RBM20: variants seen among roughly 807,000 people sequenced by gnomAD.
RBM20 encodes RNA binding motif protein 20.
In RBM20, 51 loss-of-function variants were observed where a neutral mutation model predicts 110.1. The ratio of observed to expected loss-of-function variants is 0.46; its 90% confidence interval spans 0.37 to 0.59. The LOEUF (loss-of-function observed/expected upper bound fraction) is 0.59, where lower values mean the gene tolerates loss of function less well. Among genes scored for constraint, RBM20 ranks in the 20% least tolerant of loss-of-function variants. RBM20 has a pLI of 0.00. For missense variants in RBM20, 1,512 were observed against 1,574.9 expected, an observed-to-expected ratio of 0.96 and a Z score of 0.68; for synonymous variants, 589 against 618.2, an observed-to-expected ratio of 0.95 and a Z score of 0.70.
intron 1 of RBM20, among the ~76,000 whole-genome samples, chr10:110,670,195 T>C (rs1260895352): frequency 2.7e-4 from 41 of 152,206 alleles, no homozygotes; most frequent in Non-Finnish European, 7.3e-5. Context: ...ATTCAATGCA[T>C]GTTGTCTTGA....
intron 5 of RBM20, among the ~76,000 whole-genome samples, chr10:110,790,402 C>G (rs766469371): frequency 1.3e-5 from 2 of 152,144 alleles, no homozygotes; most frequent in African/African-American, 2.4e-5. Context: ...AGACAGGAGA[C>G]CTGGGTAGGT....
chr10:110,770,030 A>G (rs1326169395), intron 1 of RBM20, among the ~76,000 whole-genome samples: 1 of 152,098 alleles, frequency 6.6e-6, no homozygotes, highest in Non-Finnish European at 1.5e-5. Flanking sequence ...ACCTCACTAT[A>G]CATTCTTAGG....
intron 1 of RBM20, among the ~76,000 whole-genome samples, chr10:110,770,531 C>T (rs1844172882): frequency 6.6e-6 from 1 of 152,190 alleles, no homozygotes; most frequent in African/African-American, 2.4e-5. Flanking sequence ...AAAACCGACA[C>T]AGTCTTCCTC....
intron 1 of RBM20, among the ~76,000 whole-genome samples, chr10:110,767,392 A>G (rs1169265528): frequency 1.0e-5 from 1 of 97,020 alleles, no homozygotes; most frequent in African/African-American, 4.1e-5. Flanking sequence ...GCGGGGGCTG[A>G]CCCCCACCTC....
intron 1 of RBM20, among the ~76,000 whole-genome samples, chr10:110,659,189 T>C (rs901241652): frequency 5.9e-5 from 9 of 152,222 alleles, no homozygotes; most frequent in Non-Finnish European, 1.3e-4. Context: ...AAGCTTGGTT[T>C]TCTCCAGCTT....
intron 1 of RBM20, among the ~76,000 whole-genome samples, chr10:110,737,177 C>CAAAAAAAAA (rs550138775): frequency 1.3e-3 from 34 of 26,590 alleles, no homozygotes; most frequent in South Asian, 2.7e-3. Context: ...AACTCTGCCT[C>CAAAAAAAAA]AAAAAAAAAA....
intron 1 of RBM20, among the ~76,000 whole-genome samples, chr10:110,762,526 C>T (rs1162284021): frequency 6.6e-6 from 1 of 152,206 alleles, no homozygotes. Context: ...AATTGCACTC[C>T]AGGCCGTGTA....
At position 110,780,884 on chromosome 10, in the gene RBM20, C is replaced by T. The variant is rs1344144278; in HGVS notation, c.275C>T (p.Ala92Val). The T allele has an allele frequency of 7.1e-6, 11 of 1,550,770 alleles. No homozygotes were observed. The highest frequency in any genetic ancestry group is 9.6e-6 in the Non-Finnish European group (11 of 1,146,232). ...LLPSPASLQL[A>V]QLQAQLTLHR... The stretch of plus-strand genomic sequence containing the variant: ...CCTTCACCTGCCAGTCTCCAGCTGG[C>T]TCAACTGCAGGCCCAGCTCACCCTC... Residue 92 changes from alanine to valine, a missense_variant, in exon 2 of 14, where the codon GCT becomes GTT. This residue lies in a region of RBM20 where 1,149 missense variants were observed against 1,169.4 expected (regional missense o/e 0.98). Coordinates refer to ENST00000369519, the MANE Select transcript of RBM20 (RefSeq NM_001134363.3).
intron 1 of RBM20, chr10:110,761,097 C>CAAAAAAAAAAAAAAAAAAAAAAAAAAAA (rs201013581): frequency 1.3e-5 from 1 of 76,672 alleles, no homozygotes. Context: ...GACTCCATCT[C>CAAAAAAAAAAAAAAAAAAAAAAAAAAAA]AAAAAAAAAA....
intron 1 of RBM20, among the ~76,000 whole-genome samples, chr10:110,679,812 TG>T (rs1325755410): frequency 6.6e-6 from 1 of 152,166 alleles, no homozygotes; most frequent in Non-Finnish European, 1.5e-5. Context: ...CCTGATGGAC[TG>T]GGGCACATGC....
rs181518347 is a variant in RBM20 at position 110,680,115 on chromosome 10, G to A, written c.191+35470G>A. 3.2e-4 allele frequency among the ~76,000 whole-genome samples: 49 copies of A among 152,184 alleles called. 1 individual carries two copies. The highest frequency in any genetic ancestry group is 8.9e-4 in the African/African-American group (37 of 41,524). On this transcript the variant is annotated intron_variant, in intron 1 of 13. Coordinates refer to ENST00000369519, the MANE Select transcript of RBM20 (RefSeq NM_001134363.3). ...CTGTGAGTGGTGGCATTAGAGCCGG[G>A]AGCCGGGCACCTGTTGTCATGCAGG...
chr10:110,712,415 GCATGA>G (rs996246134), intron 1 of RBM20, among the ~76,000 whole-genome samples: 4 of 152,214 alleles, frequency 2.6e-5, no homozygotes, highest in Non-Finnish European at 5.9e-5. Context: ...CATAGTCTGA[GCATGA>G]CATGAGGAGG....
chr10:110,676,628 T>G (rs1862343789), intron 1 of RBM20, among the ~76,000 whole-genome samples: 1 of 152,228 alleles, frequency 6.6e-6, no homozygotes, highest in Admixed American at 6.5e-5. Flanking sequence ...TTTATATTAC[T>G]TCATTCACAA....
intron 1 of RBM20, among the ~76,000 whole-genome samples, chr10:110,688,423 A>G (rs1398078809): frequency 6.6e-6 from 1 of 152,214 alleles, no homozygotes; most frequent in Non-Finnish European, 1.5e-5. Context: ...TGTTTTTCAA[A>G]ATAAAAAAGA....
At chr10:110,737,440 A>C (rs941907323) in intron 1 of RBM20, among the ~76,000 whole-genome samples, 1 of 152,144 alleles carries the variant, frequency 6.6e-6, no homozygotes, top group African/African-American at 2.4e-5. Flanking sequence ...TAATGTATAG[A>C]AATAATGTGT....
upstream of RBM20, among the ~76,000 whole-genome samples, chr10:110,644,093 A>G (rs1473655402): frequency 6.6e-6 from 1 of 152,132 alleles, no homozygotes; most frequent in Non-Finnish European, 1.5e-5. The surrounding 1 kb of genome is among the most constrained non-coding windows in gnomAD (Gnocchi z 4.3). Context: ...ACGGACCCTG[A>G]GGGTGCACTG....
intron 1 of RBM20, among the ~76,000 whole-genome samples, chr10:110,689,889 G>A (rs1313751922): frequency 2.6e-5 from 4 of 152,104 alleles, no homozygotes; most frequent in African/African-American, 9.7e-5. Flanking sequence ...ATATTTAGAT[G>A]GGCTTTTCAT....
At chr10:110,703,290 A>G (rs908622232) in intron 1 of RBM20, among the ~76,000 whole-genome samples, 5 of 151,870 alleles carry the variant, frequency 3.3e-5, no homozygotes, top group Admixed American at 6.6e-5. Context: ...AGGCAGGACA[A>G]TCGCTTGACC....
At chr10:110,751,219 T>A (rs11195305) in intron 1 of RBM20, among the ~76,000 whole-genome samples, 3,261 of 152,270 alleles carry the variant, frequency 0.021, 129 homozygotes, top group African/African-American at 0.074. Context: ...GTAAAACCTG[T>A]CTGGGTGCTA....
Sources: gnomAD v4.1 joint callset for allele counts (sites outside exome capture counted in the v4.1 genomes callset) on GRCh38, gnomAD v4.1.1 for gene constraint, gnomAD v4.1.1 regional missense constraint, Gnocchi (gnomAD v3.1) non-coding constraint, MANE v1.5 for transcripts, NCBI Gene and HGNC (gene_info 2026-07-23, HGNC 2026-07-21) for gene names.